NFATC4: variants seen among roughly 807,000 people sequenced by gnomAD.
NFATC4 encodes the protein nuclear factor of activated T-cells, cytoplasmic 4.
A neutral mutation model predicts 73.4 loss-of-function variants in NFATC4; 25 were observed. That is an observed-to-expected ratio of 0.34 (90% CI 0.25 to 0.48). The LOEUF (loss-of-function observed/expected upper bound fraction) is 0.48. Among genes scored for constraint, NFATC4 ranks in the 20% least tolerant of loss-of-function variants. The probability of loss-of-function intolerance (pLI) is 0.99; values close to 1 mark genes in which losing one functional copy is unlikely to be tolerated. For synonymous variants in NFATC4, 523 were observed against 510.3 expected, an observed-to-expected ratio of 1.02 and a Z score of -0.34; for missense variants, 1,130 against 1,203.7, an observed-to-expected ratio of 0.94 and a Z score of 0.91.
chr14:24,373,860 C>A lies in NFATC4; in HGVS notation c.1725C>A (p.Ile575=), dbSNP rs534231892. Reference sequence around the variant, plus strand: ...CAGTACAGGCAGCATCGGTGCCCATCGAGTGCTGTGAGCAAAGAGGCCCTG... The same window carrying A: ...CAGTACAGGCAGCATCGGTGCCCATAGAGTGCTGTGAGCAAAGAGGCCCTG... ...VVSVQAASVP[I]ECSQRSAQEL... Residue 575 remains isoleucine (I), a synonymous_variant, in exon 5 of 10, where the codon ATC becomes ATA. Transcript: ENST00000250373. The surrounding 1 kb of genome is among the most constrained non-coding windows in gnomAD (Gnocchi z 4.7). 4 of 1,614,028 alleles carry A rather than the reference C, an allele frequency of 2.5e-6. No homozygotes were observed. In the South Asian group the frequency reaches 4.4e-5, roughly 18 times the overall value.
In NFATC4 at chr14:24,377,019, T is replaced by C; in HGVS notation, c.2641+141T>C. On this transcript the variant is annotated intron_variant, in intron 9 of 9. Coordinates refer to ENST00000250373, the MANE Select transcript of NFATC4 (RefSeq NM_004554.5). The surrounding 1 kb of genome is among the most constrained non-coding windows in gnomAD (Gnocchi z 4.2). ...CAGTTGGAGGTTCCCAGGAGGCATG[T>C]TCTTGATGCCTGTGGCTGCCTGAAT... 1 of 1,393,542 alleles carries C rather than the reference T, an allele frequency of 7.2e-7. No individual in the cohort carries two copies. The allele number at this position is 1,393,542 out of a possible 1,614,324, so 86.3% of individuals were successfully genotyped here. A position where few individuals can be genotyped will look rare whatever the true frequency, so the allele number is the denominator to read the frequency against.
Position 24,369,254 on chromosome 14 carries a change from C to G in NFATC4, c.101-245C>G. On this transcript the variant is annotated intron_variant, in intron 1 of 9. Coordinates refer to ENST00000250373, the MANE Select transcript of NFATC4 (RefSeq NM_004554.5). ...TGGACCCACCTCTCTCACCTTAAGA[C>G]CCACTGGATCGGGTACCCTCGGTCC... The G allele has an allele frequency of 5.8e-6, 9 of 1,539,340 alleles. No homozygotes were observed. The South Asian group carries it at 1.1e-4, about 18-fold the overall frequency.
In NFATC4 at chr14:24,372,761, G is replaced by A; in HGVS notation, c.1359+158G>A. On this transcript the variant is annotated intron_variant, in intron 3 of 9. Coordinates refer to ENST00000250373, the MANE Select transcript of NFATC4 (RefSeq NM_004554.5). ...GGAGTTGGGGGAGGAGGGGTGCAAGGACCCGGATATACTTTCTACTCCTGT... is the reference window on the plus strand; with the variant it reads ...GGAGTTGGGGGAGGAGGGGTGCAAGAACCCGGATATACTTTCTACTCCTGT... 3 of 859,090 alleles carry A rather than the reference G, an allele frequency of 3.5e-6. No individual in the cohort carries two copies. In the South Asian group the frequency reaches 4.5e-5, roughly 13 times the overall value. 53.2% of individuals were successfully genotyped at this position (859,090 alleles called of 1,614,324 possible).
intron 6 of NFATC4, among the ~76,000 whole-genome samples, chr14:24,375,196 G>GAGC (rs2042578802): frequency 6.6e-6 from 1 of 152,138 alleles, no homozygotes. Context: ...TTACAGGCAT[G>GAGC]AGCCACTGCC....
Position 24,369,810 on chromosome 14 carries a change from T to TG in NFATC4, c.418dup (p.Asp140GlyfsTer5). 6.3e-7 allele frequency: 1 copy of TG among 1,598,396 alleles called. No individual in the cohort carries two copies. ...AGCGCTGGAGGACAACCCTGATGCC[T>TG]GGGGGGACGGCTCTCCTAGAGATTA... On this transcript the variant is annotated frameshift_variant, in exon 2 of 10. Coordinates refer to ENST00000250373, the MANE Select transcript of NFATC4 (RefSeq NM_004554.5). LOFTEE classifies it high-confidence loss of function.
Position 24,368,434 on chromosome 14 carries a change from G to T in NFATC4, c.94G>T (p.Gly32Trp). The change falls in exon 1 of 10, where the codon GGG (glycine) becomes TGG (tryptophan). Residue 32 changes from glycine (G) to tryptophan (W), a missense_variant. Gly to Trp is a radical substitution (Grantham distance 184). This residue lies in a region of NFATC4 where 585 missense variants were observed against 574.3 expected (regional missense o/e 1.02). Coordinates refer to ENST00000250373, the MANE Select transcript of NFATC4 (RefSeq NM_004554.5). ...EAPPLGAGGL[G>W]EELDSEDAPP... ...CCCCCCGCTGGGCGCGGGGGGATTG[G>T]GGGAAGGTTAGTGCTGGGCTGGGAA... 1 of 1,340,010 alleles carries T rather than the reference G, an allele frequency of 7.5e-7. No homozygotes were observed. The highest frequency in any genetic ancestry group is 9.6e-7 in the Non-Finnish European group (1 of 1,043,872). 83.0% of individuals were successfully genotyped at this position (1,340,010 alleles called of 1,614,324 possible).
Position 24,369,713 on chromosome 14 carries a change from TG to T in NFATC4, c.320del (p.Gly107ValfsTer96). 1 of 1,610,716 alleles carries T rather than the reference TG, an allele frequency of 6.2e-7. No individual in the cohort carries two copies. The highest frequency in any genetic ancestry group is 8.5e-7 in the Non-Finnish European group (1 of 1,178,220). On this transcript the variant is annotated frameshift_variant, in exon 2 of 10. Coordinates refer to ENST00000250373, the MANE Select transcript of NFATC4 (RefSeq NM_004554.5). LOFTEE classifies it high-confidence loss of function. ...GGPGGGAGGA[G>X]GGRVLECPSI... ...GACCAGGAGGGGGTGCTGGGGGTGC[TG>T]GGGGTGGCCGTGTTCTCGAGTGTCC...
rs2042410851 is a variant in NFATC4 at position 24,369,625 on chromosome 14, C to T, written c.227C>T (p.Pro76Leu). ...CGGCCTGGCATGCATTCGCCACCGCCGCGACCAGCCCCCTCACCTGGCACC... is the reference window on the plus strand; with the variant it reads ...CGGCCTGGCATGCATTCGCCACCGCTGCGACCAGCCCCCTCACCTGGCACC... ...PPRPGMHSPP[P>L]RPAPSPGTWE... Residue 76 changes from proline (P) to leucine (L), a missense_variant, in exon 2 of 10, where the codon CCG becomes CTG. By Grantham distance (98) the Pro-to-Leu change is moderately conservative. Coordinates refer to ENST00000250373, the MANE Select transcript of NFATC4 (RefSeq NM_004554.5). 3.1e-6 allele frequency: 5 copies of T among 1,613,254 alleles called. No homozygotes were observed. Among genetic ancestry groups the T allele is most frequent in the African/African-American group, 1.3e-5 (1 of 75,042 alleles).
Position 24,373,535 on chromosome 14 carries a change from G to T in NFATC4, c.1560-160G>T, listed in dbSNP as rs1054125823. ...TGGAAGAGGACTTTTGGGGTTGGGG[G>T]TACCCCAGAGAGGCCATCTCTGGGT... On this transcript the variant is annotated intron_variant, in intron 4 of 9. Transcript: ENST00000250373. The surrounding 1 kb of genome is among the most constrained non-coding windows in gnomAD (Gnocchi z 4.7). Among the ~76,000 whole-genome samples, 18 of 152,218 alleles carry T rather than the reference G, an allele frequency of 1.2e-4. No homozygotes were observed. The highest frequency in any genetic ancestry group is 4.1e-4 in the African/African-American group (17 of 41,464).
rs916412659 is a variant in NFATC4, at chr14:24,370,328, C to A, written c.930C>A (p.Gly310=). The A allele has an allele frequency of 6.2e-7, 1 of 1,611,676 alleles. No homozygotes were observed. Among genetic ancestry groups the A allele is most frequent in the Admixed American group, 1.7e-5 (1 of 59,962 alleles). Residue 310 remains glycine (G), a synonymous_variant, in exon 2 of 10, where the codon GGC becomes GGA. Transcript: ENST00000250373. ...PPPLPLARDP[G]SPGPFDYVGA... ...CATTGCCTCTGGCCCGGGACCCGGG[C>A]TCCCCTGGTCCCTTTGACTATGTGG...
In NFATC4 at chr14:24,369,647, C is replaced by A. The variant is rs1314033204; in HGVS notation, c.249C>A (p.Gly83=). 6.2e-7 allele frequency: 1 copy of A among 1,613,152 alleles called. No homozygotes were observed. Residue 83 remains glycine (G), a synonymous_variant, in exon 2 of 10, where the codon GGC becomes GGA. Transcript: ENST00000250373. ...CGCCGCGACCAGCCCCCTCACCTGG[C>A]ACCTGGGAGAGCCAGCCCGCCAGGT... is the stretch of plus-strand genomic sequence containing the variant. ...SPPPRPAPSP[G]TWESQPARSV...
chr14:24,378,007 C>T lies in NFATC4; in HGVS notation c.*302C>T. 4.0e-6 allele frequency: 2 copies of T among 503,810 alleles called. No individual in the cohort carries two copies. Among genetic ancestry groups the T allele is most frequent in the Non-Finnish European group, 7.1e-6 (2 of 281,764 alleles). The allele number at this position is 503,810 out of a possible 1,614,324, so 31.2% of individuals were successfully genotyped here. On this transcript the variant is annotated 3_prime_UTR_variant, in exon 10 of 10. Coordinates refer to ENST00000250373, the MANE Select transcript of NFATC4 (RefSeq NM_004554.5). ...TCTAGAGTGTGGGCTGGCTGTTGTG[C>T]TGGAAAGCTGGGGACAGGTTGATGG...
chr14:24,368,526 T>G, intron 1 of NFATC4, 86 bp downstream of exon 1: 2 of 1,110,342 alleles, frequency 1.8e-6, no homozygotes, highest in African/African-American at 1.7e-5. Flanking sequence ...GCAGCGAGCC[T>G]AGGGTGGGGG....
chr14:24,369,596 C>T lies in NFATC4; in HGVS notation c.198C>T (p.Pro66=), dbSNP rs1259560808. The T allele has an allele frequency of 3.7e-6, 6 of 1,613,298 alleles. No individual in the cohort carries two copies. The highest frequency in any genetic ancestry group is 2.7e-5 in the African/African-American group (2 of 74,910). ...AAPIGIPRPP[P]PRPGMHSPPP... ...CTATCGGTATTCCCCGACCTCCACCCCCTCGGCCTGGCATGCATTCGCCAC... is the reference window on the plus strand; with the variant it reads ...CTATCGGTATTCCCCGACCTCCACCTCCTCGGCCTGGCATGCATTCGCCAC... The change falls in exon 2 of 10, where the codon CCC becomes CCT. Residue 66 remains proline, a synonymous_variant. Transcript: ENST00000250373.
intron 1 of NFATC4, chr14:24,369,119 T>G: frequency 9.9e-6 from 14 of 1,408,748 alleles, no homozygotes; most frequent in Non-Finnish European, 9.2e-6. Flanking sequence ...GCCAGCGCCG[T>G]TTGGGGGTTT....
In NFATC4 at chr14:24,373,982, G is replaced by T. The variant is rs1479475799; in HGVS notation, c.1732+115G>T. The stretch of plus-strand genomic sequence containing the variant: ...TCCTGTGCCCTGTCTGTCCTGGGTA[G>T]CTCTATAGAGGACTCAGCTTCTTTC... On this transcript the variant is annotated intron_variant, in intron 5 of 9. Coordinates refer to ENST00000250373, the MANE Select transcript of NFATC4 (RefSeq NM_004554.5). The surrounding 1 kb of genome is among the most constrained non-coding windows in gnomAD (Gnocchi z 4.7). 4 of 1,419,312 alleles carry T rather than the reference G, an allele frequency of 2.8e-6. No homozygotes were observed. Among genetic ancestry groups the T allele is most frequent in the Non-Finnish European group, 3.9e-6 (4 of 1,025,862 alleles). The allele number at this position is 1,419,312 out of a possible 1,614,324, so 87.9% of individuals were successfully genotyped here. A position where few individuals can be genotyped will look rare whatever the true frequency, so the allele number is the denominator to read the frequency against.
upstream of NFATC4, chr14:24,366,949 T>C (rs1294599597): frequency 1.3e-6 from 2 of 1,553,598 alleles, no homozygotes; most frequent in African/African-American, 2.7e-5. Context: ...AACCGTTTAG[T>C]TGCTGGGATG....
At chr14:24,374,599 A>ACCCTTTCTATTATACTGTCTGCTTTCC in intron 6 of NFATC4, 133 bp downstream of exon 6, 1 of 824,188 alleles carries the variant, frequency 1.2e-6, no homozygotes. Flanking sequence ...CAGACAGACT[A>ACCCTTTCTATTATACTGTCTGCTTTCC]CCCTTTCTAT....
intron 6 of NFATC4, among the ~76,000 whole-genome samples, chr14:24,375,380 G>A (rs2042584700): frequency 6.6e-6 from 1 of 152,132 alleles, no homozygotes; most frequent in African/African-American, 2.4e-5. Flanking sequence ...CTGGGTGGGA[G>A]GGCTCAAGGG....
Sources: gnomAD v4.1 joint callset for allele counts (sites outside exome capture counted in the v4.1 genomes callset) on GRCh38, gnomAD v4.1.1 for gene constraint, gnomAD v4.1.1 regional missense constraint, Gnocchi (gnomAD v3.1) non-coding constraint, MANE v1.5 for transcripts, NCBI Gene and HGNC (gene_info 2026-07-23, HGNC 2026-07-21) for gene names.